The following RSL1D1 variants were observed in gnomAD, a reference collection of about 807,000 sequenced individuals.
RSL1D1 encodes ribosomal L1 domain-containing protein 1.
A neutral mutation model predicts 44.6 loss-of-function variants in RSL1D1; 34 were observed. That is an observed-to-expected ratio of 0.76 (90% CI 0.58 to 1.02). The LOEUF (loss-of-function observed/expected upper bound fraction) is 1.02, where lower values mean the gene tolerates loss of function less well. Ranked by LOEUF, RSL1D1 falls within the 50% of genes least tolerant of loss-of-function variation. The pLI is 0.00. For synonymous variants in RSL1D1, 271 were observed against 207.4 expected (o/e 1.31, Z -2.63); for missense variants, 767 against 568.1 (o/e 1.35, Z -3.56).
intron 2 of RSL1D1, 132 bp from the exon 3 acceptor site, chr16:11,847,938 C>A: frequency 1.1e-6 from 1 of 883,100 alleles, no homozygotes; most frequent in East Asian, 2.6e-5. Context: ...GCAAATAATG[C>A]ACCAAGAACA....
At position 11,837,820 on chromosome 16, in the gene RSL1D1, C is replaced by A; in HGVS notation, c.1440G>T (p.Trp480Cys). ...ACTGGGGTACTTTGGGTTTTTTGGG[C>A]CATTTTTTGGGGGTGTGGGAAGCTT... ...VRKASHTPKK[W>C]PKKPKVPQST The change falls in exon 9 of 9, where the codon TGG becomes TGT. Residue 480 changes from tryptophan (W) to cysteine (C), a missense_variant. Trp to Cys is a radical substitution (Grantham distance 215). Coordinates refer to ENST00000571133, the MANE Select transcript of RSL1D1 (RefSeq NM_015659.3). 2 of 1,609,200 alleles carry A rather than the reference C, an allele frequency of 1.2e-6. No homozygotes were observed. The highest frequency in any genetic ancestry group is 1.7e-6 in the Non-Finnish European group (2 of 1,178,276).
In RSL1D1 at chr16:11,837,564, T is replaced by C. The variant is rs2053730705; in HGVS notation, c.*223A>G. On this transcript the variant is annotated 3_prime_UTR_variant, in exon 9 of 9. Coordinates refer to ENST00000571133, the MANE Select transcript of RSL1D1 (RefSeq NM_015659.3). Reference sequence around the variant, plus strand: ...CAGGGTTTCACCATGTTGGCCAGGATGGTCTCGATCTCGTTGACCTTGTGA... The same window carrying C: ...CAGGGTTTCACCATGTTGGCCAGGACGGTCTCGATCTCGTTGACCTTGTGA... 2 of 459,538 alleles carry C rather than the reference T, an allele frequency of 4.4e-6. No individual in the cohort carries two copies. The highest frequency in any genetic ancestry group is 3.7e-5 in the East Asian group (1 of 26,810). The allele number at this position is 459,538 out of a possible 1,614,324, so 28.5% of individuals were successfully genotyped here.
intron 5 of RSL1D1, among the ~76,000 whole-genome samples, chr16:11,845,278 C>T (rs924797671): frequency 6.6e-6 from 1 of 152,124 alleles, no homozygotes; most frequent in African/African-American, 2.4e-5. Context: ...AATAGTGAGA[C>T]CCCGCCGCTA....
Position 11,835,891 on chromosome 16 carries a change from A to G in RSL1D1, c.*1896T>C, listed in dbSNP as rs1183176953. The G allele has an allele frequency of 6.7e-6, 1 of 149,344 alleles. No homozygotes were observed. The highest frequency in any genetic ancestry group is 2.4e-5 in the African/African-American group (1 of 41,262). The allele number at this position is 149,344 out of a possible 1,614,324, so 9.3% of individuals were successfully genotyped here. A position where few individuals can be genotyped will look rare whatever the true frequency, so the allele number is the denominator to read the frequency against. On this transcript the variant is annotated 3_prime_UTR_variant, in exon 9 of 9. Transcript: ENST00000571133. The stretch of plus-strand genomic sequence containing the variant: ...TCTTTGGAACACCAAGCTCTGTGCT[A>G]AAGGGTGGAAGGCTGCCCTGACGCA...
Position 11,836,418 on chromosome 16 carries a change from T to C in RSL1D1, c.*1369A>G, listed in dbSNP as rs1386782931. ...TTGGCATGCAAGAACATTCCTGCAC[T>C]GCAGTGAATCTGTGAACTTACTACT... On this transcript the variant is annotated 3_prime_UTR_variant, in exon 9 of 9. Coordinates refer to ENST00000571133, the MANE Select transcript of RSL1D1 (RefSeq NM_015659.3). 6.6e-6 allele frequency: 1 copy of C among 152,230 alleles called. No homozygotes were observed. The highest frequency in any genetic ancestry group is 1.5e-5 in the Non-Finnish European group (1 of 68,048). 9.4% of individuals were successfully genotyped at this position (152,230 alleles called of 1,614,324 possible).
chr16:11,850,115 C>T (rs1381731628), intron 2 of RSL1D1, among the ~76,000 whole-genome samples, 164 bp downstream of exon 2: 1 of 152,212 alleles, frequency 6.6e-6, no homozygotes, highest in Non-Finnish European at 1.5e-5. Context: ...GTGTGAGCCA[C>T]CACATCAAGC....
At chr16:11,843,212 G>T (rs1596440414) in intron 5 of RSL1D1, among the ~76,000 whole-genome samples, 1 of 151,558 alleles carries the variant, frequency 6.6e-6, no homozygotes, top group East Asian at 2.0e-4. Flanking sequence ...TGGGATTACA[G>T]GCGTGAACCA....
At chr16:11,850,514 T>A (rs1251550883) in intron 1 of RSL1D1, 96 bp from the exon 2 acceptor site, 10 of 1,238,890 alleles carry the variant, frequency 8.1e-6, no homozygotes, top group Non-Finnish European at 1.1e-5. Flanking sequence ...ATTTGCCCCC[T>A]CCCACACCTT....
Position 11,834,479 on chromosome 16 carries a change from A to G in RSL1D1, c.*3308T>C, listed in dbSNP as rs551311485. ...GTTCAACAAGACTGAACTACGGAGC[A>G]AAGAATCACACAGTGTTGCAAGATC... is the stretch of plus-strand genomic sequence containing the variant. On this transcript the variant is annotated 3_prime_UTR_variant, in exon 9 of 9. Transcript: ENST00000571133. The G allele has an allele frequency of 4.6e-5, 7 of 152,390 alleles. No homozygotes were observed. The highest frequency in any genetic ancestry group is 1.7e-4 in the African/African-American group (7 of 41,592). The allele number at this position is 152,390 out of a possible 1,614,324, so 9.4% of individuals were successfully genotyped here.
chr16:11,834,205 G>C lies in RSL1D1; in HGVS notation c.*3582C>G, dbSNP rs538685477. 1 of 152,158 alleles carries C rather than the reference G, an allele frequency of 6.6e-6. No homozygotes were observed. The highest frequency in any genetic ancestry group is 1.5e-5 in the Non-Finnish European group (1 of 68,034). The allele number at this position is 152,158 out of a possible 1,614,324, so 9.4% of individuals were successfully genotyped here. ...GTACAGAATGTACCCATTTTAGGAT[G>C]ATTCAACTTTATGATTTTTCAACTT... On this transcript the variant is annotated 3_prime_UTR_variant, in exon 9 of 9. Coordinates refer to ENST00000571133, the MANE Select transcript of RSL1D1 (RefSeq NM_015659.3).
At chr16:11,844,819 T>C (rs1210936422) in intron 5 of RSL1D1, among the ~76,000 whole-genome samples, 1 of 152,202 alleles carries the variant, frequency 6.6e-6, no homozygotes, top group African/African-American at 2.4e-5. Context: ...CTTCATAAAA[T>C]GTATTTTCAA....
At position 11,835,961 on chromosome 16, in the gene RSL1D1, A is replaced by G. The variant is rs2098722; in HGVS notation, c.*1826T>C. 0.74 allele frequency: 112,890 copies of G among 152,026 alleles called. 43,400 individuals are homozygous for G. The highest frequency in any genetic ancestry group is 0.94 in the African/African-American group (39,041 of 41,518). 9.4% of individuals were successfully genotyped at this position (152,026 alleles called of 1,614,324 possible). The stretch of plus-strand genomic sequence containing the variant: ...CATAAAATCCCTCGTGGCTTGGATA[A>G]AATCCAGGGCCTGTGGCTCTGGAAT... On this transcript the variant is annotated 3_prime_UTR_variant, in exon 9 of 9. Transcript: ENST00000571133.
At chr16:11,850,966 AG>A (rs1346484649) in intron 1 of RSL1D1, 1 of 233,610 alleles carries the variant, frequency 4.3e-6, no homozygotes. Flanking sequence ...CTGGGATTAC[AG>A]GCGTGAGCCA....
At position 11,851,464 on chromosome 16, in the gene RSL1D1, T is replaced by G. The variant is rs774394610; in HGVS notation, c.49A>C (p.Thr17Pro). The change falls in exon 1 of 9, where the codon ACC becomes CCC. Residue 17 changes from threonine (T) to proline (P), a missense_variant. Thr to Pro is a conservative substitution (Grantham distance 38, BLOSUM62 -1). Coordinates refer to ENST00000571133, the MANE Select transcript of RSL1D1 (RefSeq NM_015659.3). Reference sequence around the variant, plus strand: ...GGGGCCGCTGGAGTCGAGGTGGAGGTTCCAGTAGCGGCTGCAGAAGACAGC... The same window carrying G: ...GGGGCCGCTGGAGTCGAGGTGGAGGGTCCAGTAGCGGCTGCAGAAGACAGC... ...ASLSSAAATG[T>P]STSTPAAPTA... The G allele has an allele frequency of 6.2e-7, 1 of 1,614,032 alleles. No homozygotes were observed. The highest frequency in any genetic ancestry group is 1.1e-5 in the South Asian group (1 of 91,084).
At chr16:11,845,513 G>A (rs561682299) in intron 5 of RSL1D1, among the ~76,000 whole-genome samples, 128 of 152,276 alleles carry the variant, frequency 8.4e-4, no homozygotes, top group Non-Finnish European at 1.7e-3. Context: ...AGTATCTGGA[G>A]CTGCCCCGTC....
chr16:11,841,743 G>A lies in RSL1D1; in HGVS notation c.807C>T (p.Ser269=). The A allele has an allele frequency of 6.2e-7, 1 of 1,613,906 alleles. No homozygotes were observed. The highest frequency in any genetic ancestry group is 8.5e-7 in the Non-Finnish European group (1 of 1,179,944). The change falls in exon 7 of 9, where the codon AGC becomes AGT. Residue 269 remains serine (S), a synonymous_variant. Coordinates refer to ENST00000571133, the MANE Select transcript of RSL1D1 (RefSeq NM_015659.3). ...ATCTTTTGGTGGCTTCATCCCAATT[G>A]CTGACAAACGAGGAAAAGATGGGAA... ...AALPIFSSFV[S]NWDEATKRSL...
chr16:11,837,472 TC>T lies in RSL1D1; in HGVS notation c.*314del. ...TTCAAGCAATTCTCCTGCCTCAGCC[TC>T]CCTAGTAGCTGGGATTACAGGTGTC... On this transcript the variant is annotated 3_prime_UTR_variant, in exon 9 of 9. Coordinates refer to ENST00000571133, the MANE Select transcript of RSL1D1 (RefSeq NM_015659.3). 5.0e-6 allele frequency: 1 copy of T among 198,676 alleles called. No individual in the cohort carries two copies. Among genetic ancestry groups the T allele is most frequent in the Non-Finnish European group, 1.0e-5 (1 of 97,590 alleles). The allele number at this position is 198,676 out of a possible 1,614,324, so 12.3% of individuals were successfully genotyped here. A position where few individuals can be genotyped will look rare whatever the true frequency, so the allele number is the denominator to read the frequency against.
At chr16:11,847,008 T>C (rs542202737) in intron 3 of RSL1D1, among the ~76,000 whole-genome samples, 165 bp from the exon 4 acceptor site, 206 of 152,278 alleles carry the variant, frequency 1.4e-3, no homozygotes, top group African/African-American at 4.4e-3. Flanking sequence ...CTACGCTACA[T>C]GCTGGGAACA....
At chr16:11,845,354 G>A (rs1289512530) in intron 5 of RSL1D1, among the ~76,000 whole-genome samples, 1 of 152,216 alleles carries the variant, frequency 6.6e-6, no homozygotes, top group Non-Finnish European at 1.5e-5. Context: ...TCAGGAGGCT[G>A]AGGTGGAAGG....
Sources: gnomAD v4.1 joint callset for allele counts (sites outside exome capture counted in the v4.1 genomes callset) on GRCh38, gnomAD v4.1.1 for gene constraint, MANE v1.5 for transcripts, NCBI Gene and HGNC (gene_info 2026-07-23, HGNC 2026-07-21) for gene names.